Variants in DDAH1 observed in about 807,000 individuals in gnomAD.
DDAH1 encodes the protein N(G),N(G)-dimethylarginine dimethylaminohydrolase 1.
In DDAH1, 19 loss-of-function variants were observed where a neutral mutation model predicts 28.8. The observed-to-expected ratio is 0.66, with a 90% CI of 0.46 to 0.97. The LOEUF is 0.97. Among genes scored for constraint, DDAH1 ranks in the 50% least tolerant of loss-of-function variants. The probability of loss-of-function intolerance (pLI) is 0.00; values close to 1 mark genes in which losing one functional copy is unlikely to be tolerated. For synonymous variants in DDAH1, 153 were observed against 154.4 expected (o/e 0.99, Z 0.07); for missense variants, 326 against 375.9 (o/e 0.87, Z 1.10).
intron 2 of DDAH1, chr1:85,482,448 C>T (rs1339309569): frequency 3.3e-5 from 5 of 152,072 alleles, no homozygotes; most frequent in Admixed American, 6.5e-5. Context: ...ATATTGCAAT[C>T]GTGTAATAAT....
intron 1 of DDAH1, among the ~76,000 whole-genome samples, chr1:85,504,330 G>A (rs1244790048): frequency 6.6e-6 from 1 of 152,166 alleles, no homozygotes; most frequent in Non-Finnish European, 1.5e-5. Flanking sequence ...GAAATGACAG[G>A]TAAAATTAAA....
intron 1 of DDAH1, among the ~76,000 whole-genome samples, chr1:85,412,793 G>C (rs1007542010): frequency 6.6e-6 from 1 of 152,136 alleles, no homozygotes; most frequent in African/African-American, 2.4e-5. Flanking sequence ...TTGAGCCCAG[G>C]AGTTCGAGAC....
chr1:85,366,400 T>C (rs1258055768), intron 1 of DDAH1, among the ~76,000 whole-genome samples: 3 of 152,160 alleles, frequency 2.0e-5, no homozygotes, highest in Non-Finnish European at 4.4e-5. Context: ...TTTTTTCCCA[T>C]TGATTTCTTG....
intron 1 of DDAH1, among the ~76,000 whole-genome samples, chr1:85,550,033 G>A (rs1289391827): frequency 6.6e-6 from 1 of 152,146 alleles, no homozygotes; most frequent in Non-Finnish European, 1.5e-5. Context: ...TAGCTACAGT[G>A]TCATAAAATC....
At chr1:85,555,822 T>C (rs1211253523) in intron 1 of DDAH1, among the ~76,000 whole-genome samples, 1 of 152,202 alleles carries the variant, frequency 6.6e-6, no homozygotes, top group Non-Finnish European at 1.5e-5. Flanking sequence ...TGATCCAAAA[T>C]GTTTAGGTCT....
chr1:85,419,502 T>G (rs1653036456), intron 1 of DDAH1, among the ~76,000 whole-genome samples: 1 of 141,554 alleles, frequency 7.1e-6, no homozygotes, highest in Non-Finnish European at 1.5e-5. Flanking sequence ...ATCACACCAT[T>G]GCATTCCAGC....
intron 1 of DDAH1, among the ~76,000 whole-genome samples, chr1:85,373,266 A>ACAATGTAACATACTTTAGTGCT (rs1650482244): frequency 6.6e-6 from 1 of 152,202 alleles, no homozygotes; most frequent in African/African-American, 2.4e-5. Flanking sequence ...TCTTCAGGGC[A>ACAATGTAACATACTTTAGTGCT]CAATGTAACA....
intron 1 of DDAH1, among the ~76,000 whole-genome samples, chr1:85,436,966 G>C (rs1653970864): frequency 6.6e-6 from 1 of 152,186 alleles, no homozygotes; most frequent in Non-Finnish European, 1.5e-5. Context: ...TTCTTCCCAG[G>C]AATGGGAAGA....
intron 1 of DDAH1, among the ~76,000 whole-genome samples, chr1:85,392,569 C>T (rs1229986483): frequency 1.1e-4 from 16 of 151,746 alleles, no homozygotes; most frequent in Middle Eastern, 3.4e-3. Context: ...CTGAGGCGGG[C>T]GGATCACGAG....
chr1:85,491,882 C>CTA (rs759541162), intron 2 of DDAH1, among the ~76,000 whole-genome samples: 4 of 152,122 alleles, frequency 2.6e-5, no homozygotes, highest in Non-Finnish European at 5.9e-5. Context: ...ACTAGGTGAC[C>CTA]TAACCCCCTA....
At chr1:85,504,956 T>C (rs1402931271) in intron 1 of DDAH1, among the ~76,000 whole-genome samples, 1 of 129,932 alleles carries the variant, frequency 7.7e-6, no homozygotes, top group East Asian at 2.5e-4. Flanking sequence ...TGGCCCTCAA[T>C]GATTCTTTTT....
chr1:85,394,492 C>T (rs1651709973), intron 1 of DDAH1, among the ~76,000 whole-genome samples: 1 of 152,104 alleles, frequency 6.6e-6, no homozygotes, highest in South Asian at 2.1e-4. Context: ...CAAAAGAAAA[C>T]AGGCTAAGAG....
intron 1 of DDAH1, among the ~76,000 whole-genome samples, chr1:85,367,898 T>C (rs905039216): frequency 6.6e-6 from 1 of 152,160 alleles, no homozygotes; most frequent in Non-Finnish European, 1.5e-5. Context: ...TCTTAATATA[T>C]AAGATTTTTC....
At chr1:85,465,964 C>T (rs976988554), upstream of DDAH1, among the ~76,000 whole-genome samples, 1 of 152,226 alleles carries the variant, frequency 6.6e-6, no homozygotes, top group East Asian at 1.9e-4. Flanking sequence ...TACAGCAGCA[C>T]CCTTGTTCCA....
chr1:85,449,753 A>G (rs1654583506), intron 1 of DDAH1, among the ~76,000 whole-genome samples: 1 of 152,148 alleles, frequency 6.6e-6, no homozygotes, highest in Non-Finnish European at 1.5e-5. Context: ...AAGTCCAAGC[A>G]GGTGGGGCTG....
intron 1 of DDAH1, among the ~76,000 whole-genome samples, chr1:85,412,270 T>C (rs1652685411): frequency 6.6e-6 from 1 of 152,216 alleles, no homozygotes; most frequent in African/African-American, 2.4e-5. Flanking sequence ...TCTAACGCTA[T>C]TTGTTAAGTG....
intron 1 of DDAH1, among the ~76,000 whole-genome samples, chr1:85,388,662 C>G (rs1651397058): frequency 6.6e-6 from 1 of 152,148 alleles, no homozygotes; most frequent in African/African-American, 2.4e-5. Context: ...CAACCCAGAG[C>G]CATCTCCTCT....
chr1:85,457,374 T>C (rs943804654), intron 1 of DDAH1, among the ~76,000 whole-genome samples: 2 of 152,122 alleles, frequency 1.3e-5, no homozygotes, highest in Non-Finnish European at 2.9e-5. Context: ...TGAGCTTCCA[T>C]GGCACTGGGC....
At chr1:85,553,760 A>G (rs928908951) in intron 1 of DDAH1, among the ~76,000 whole-genome samples, 8 of 152,210 alleles carry the variant, frequency 5.3e-5, no homozygotes, top group Admixed American at 5.2e-4. Context: ...GGTAGTGTTT[A>G]CTGTGAGGCA....
Sources: allele counts gnomAD v4.1 joint callset (sites outside exome capture counted in the v4.1 genomes callset), GRCh38; gene constraint gnomAD v4.1.1; transcripts MANE v1.5; gene names NCBI Gene and HGNC (gene_info 2026-07-23, HGNC 2026-07-21).